The following RASL12 variants were observed in gnomAD, a reference collection of about 807,000 sequenced individuals.
The protein encoded by RASL12 is RAS like family 12.
In RASL12, 16 loss-of-function variants were observed where a neutral mutation model predicts 22.9. The ratio of observed to expected loss-of-function variants is 0.70; its 90% confidence interval spans 0.47 to 1.06. RASL12 has a LOEUF of 1.06. Among genes scored for constraint, RASL12 ranks in the 50% least tolerant of loss-of-function variants. The probability of loss-of-function intolerance (pLI) is 0.00; values close to 1 mark genes in which losing one functional copy is unlikely to be tolerated. For synonymous variants in RASL12, 159 were observed against 152.2 expected (o/e 1.04, Z -0.33); for missense variants, 306 against 353.1 (o/e 0.87, Z 1.07).
In RASL12 at chr15:65,054,963, G is replaced by T. The variant is rs778472517; in HGVS notation, c.737C>A (p.Ser246Tyr). 1.2e-6 allele frequency: 2 copies of T among 1,614,202 alleles called. No individual in the cohort carries two copies. Among genetic ancestry groups the T allele is most frequent in the Non-Finnish European group, 1.7e-6 (2 of 1,180,016 alleles). The change falls in exon 5 of 5, where the codon TCC becomes TAC. Residue 246 changes from serine (S) to tyrosine (Y), a missense_variant. Ser to Tyr is a moderately radical substitution (Grantham distance 144). Coordinates refer to ENST00000220062, the MANE Select transcript of RASL12 (RefSeq NM_016563.4). ...AQAKLVTVKS[S>Y]RAQSKRKAPT... is the part of the protein sequence containing the mutation. Reference sequence around the variant, plus strand: ...CGCCTTGCGCTTGCTCTGGGCCCGGGATGACTTCACGGTGACCAGCTTGGC... The same window carrying T: ...CGCCTTGCGCTTGCTCTGGGCCCGGTATGACTTCACGGTGACCAGCTTGGC...
At chr15:65,070,689 G>T (rs1241007341), upstream of RASL12, among the ~76,000 whole-genome samples, 1 of 152,118 alleles carries the variant, frequency 6.6e-6, no homozygotes, top group Non-Finnish European at 1.5e-5. Flanking sequence ...CCTGACGGCA[G>T]GACCTACCCT....
chr15:65,047,930 G>A, the RASL12 span, among the ~76,000 whole-genome samples: 1 of 152,148 alleles, frequency 6.6e-6, no homozygotes, highest in African/African-American at 2.4e-5. Flanking sequence ...TGTATTCCTA[G>A]CATTTTGGGA....
chr15:65,069,848 C>G (rs984656082), upstream of RASL12, among the ~76,000 whole-genome samples: 14 of 152,214 alleles, frequency 9.2e-5, no homozygotes, highest in African/African-American at 3.4e-4. Context: ...ATTATTTGAG[C>G]TGGTGGCCAC....
At chr15:65,062,063 C>CAAA (rs547999122) in intron 2 of RASL12, among the ~76,000 whole-genome samples, 1 of 77,420 alleles carries the variant, frequency 1.3e-5, no homozygotes, top group Non-Finnish European at 2.8e-5. Flanking sequence ...CCTGGGTGAC[C>CAAA]AAAAAAAAAA....
chr15:65,065,383 G>T, intron 1 of RASL12, 110 bp from the exon 2 acceptor site: 1 of 975,964 alleles, frequency 1.0e-6, no homozygotes, highest in Non-Finnish European at 1.6e-6. Flanking sequence ...CTGACACCAA[G>T]CTCAGCTCTC....
intron 1 of RASL12, chr15:65,076,448 AGAAG>A (rs1007396623): frequency 8.3e-6 from 5 of 599,676 alleles, no homozygotes; most frequent in Admixed American, 7.8e-5. Flanking sequence ...TGAACCCACC[AGAAG>A]GAAGAAACTC....
chr15:65,045,801 A>C, the RASL12 span, among the ~76,000 whole-genome samples: 86 of 152,272 alleles, frequency 5.6e-4, no homozygotes, highest in Non-Finnish European at 1.2e-3. Flanking sequence ...TAAGGCATAA[A>C]GTTTAATTTA....
At chr15:65,057,242 G>C (rs140964258) in intron 4 of RASL12, among the ~76,000 whole-genome samples, 197 of 152,274 alleles carry the variant, frequency 1.3e-3, no homozygotes, top group South Asian at 3.1e-3. Context: ...GTGCCCTTGG[G>C]GCCTAGGGCA....
upstream of RASL12, among the ~76,000 whole-genome samples, chr15:65,072,396 C>A (rs2086937981): frequency 6.6e-6 from 1 of 152,188 alleles, no homozygotes; most frequent in African/African-American, 2.4e-5. Context: ...GTTGGCTCTG[C>A]AGATTCATAC....
intron 1 of RASL12, among the ~76,000 whole-genome samples, chr15:65,076,173 A>G (rs2086967418): frequency 6.6e-6 from 1 of 152,260 alleles, no homozygotes; most frequent in Admixed American, 6.5e-5. Context: ...CCGAGCCAGC[A>G]GTGGCAACCC....
At position 65,065,197 on chromosome 15, in the gene RASL12, T is replaced by A. The variant is rs746086657; in HGVS notation, c.160+20A>T. On this transcript the variant is annotated intron_variant, in intron 2 of 4. Transcript: ENST00000220062. Reference sequence around the variant, plus strand: ...CAGATGGGGCACAGGCAGCAGAAGGTACGGGGAGTAGTTTCTTACCCAAGT... The same window carrying A: ...CAGATGGGGCACAGGCAGCAGAAGGAACGGGGAGTAGTTTCTTACCCAAGT... 1 of 1,609,904 alleles carries A rather than the reference T, an allele frequency of 6.2e-7. No individual in the cohort carries two copies. The highest frequency in any genetic ancestry group is 8.5e-7 in the Non-Finnish European group (1 of 1,178,180).
At position 65,058,595 on chromosome 15, in the gene RASL12, C is replaced by T. The variant is rs746257056; in HGVS notation, c.257G>A (p.Arg86His). 4.4e-6 allele frequency: 7 copies of T among 1,576,870 alleles called. No homozygotes were observed. Among genetic ancestry groups the T allele is most frequent in the South Asian group, 1.1e-5 (1 of 87,052 alleles). The change falls in exon 4 of 5, where the codon CGC becomes CAC. Residue 86 changes from arginine (R) to histidine (H), a missense_variant. Physicochemically the swap from Arg to His is conservative, Grantham distance 29 (BLOSUM62 0). Coordinates refer to ENST00000220062, the MANE Select transcript of RASL12 (RefSeq NM_016563.4). ...ADLDTPRNCE[R>H]YLNWAHAFLV... ...GAAGGCATGGGCCCAGTTCAGGTAG[C>T]GCTCGCAGTTCCTGGGGGTGTCCTG... is the stretch of plus-strand genomic sequence containing the variant.
intron 1 of RASL12, among the ~76,000 whole-genome samples, chr15:65,065,608 C>T (rs763525184): frequency 2.0e-5 from 3 of 152,152 alleles, no homozygotes; most frequent in African/African-American, 7.2e-5. Flanking sequence ...GGTGAAACCT[C>T]AACTGAAGGG....
At chr15:65,076,159 C>A (rs1329942194) in intron 1 of RASL12, among the ~76,000 whole-genome samples, 1 of 152,230 alleles carries the variant, frequency 6.6e-6, no homozygotes, top group African/African-American at 2.4e-5. Context: ...TAAACGCAGG[C>A]TACCCGAGCC....
At chr15:65,070,932 C>A (rs771851878), upstream of RASL12, among the ~76,000 whole-genome samples, 1 of 152,192 alleles carries the variant, frequency 6.6e-6, no homozygotes, top group Non-Finnish European at 1.5e-5. Flanking sequence ...AGTGGTGGCA[C>A]CAGCATCAGA....
chr15:65,075,941 G>C (rs1318421291), intron 1 of RASL12, among the ~76,000 whole-genome samples: 1 of 152,194 alleles, frequency 6.6e-6, no homozygotes, highest in Non-Finnish European at 1.5e-5. Context: ...AGGTTTGTGA[G>C]TGCACCAGTC....
At position 65,067,776 on chromosome 15, in the gene RASL12, C is replaced by CA; in HGVS notation, c.59_60insT (p.Glu20AspfsTer29). On this transcript the variant is annotated frameshift_variant, in exon 1 of 5. Transcript: ENST00000220062. LOFTEE classifies it high-confidence loss of function. ...GGCGCCCCAGGATGGCCAGGTTGAC[C>CA]TCGAGGGGCGCGCTCTGAGGCCCGC... 6.3e-7 allele frequency: 1 copy of CA among 1,582,474 alleles called. No homozygotes were observed. The highest frequency in any genetic ancestry group is 8.6e-7 in the Non-Finnish European group (1 of 1,167,058).
chr15:65,076,385 C>G (rs941794471), intron 1 of RASL12: 16 of 459,342 alleles, frequency 3.5e-5, no homozygotes, highest in Non-Finnish European at 5.8e-5. Flanking sequence ...GCCTTAAGAG[C>G]TGTAACACTC....
At chr15:65,050,121 CG>C, downstream of RASL12, 1 of 1,543,828 alleles carries the variant, frequency 6.5e-7, no homozygotes, top group Non-Finnish European at 8.8e-7. Flanking sequence ...GAGAGATTGA[CG>C]GCAGGGGTGG....
Sources: gnomAD v4.1 joint callset for allele counts (sites outside exome capture counted in the v4.1 genomes callset) on GRCh38, gnomAD v4.1.1 for gene constraint, MANE v1.5 for transcripts, NCBI Gene and HGNC (gene_info 2026-07-23, HGNC 2026-07-21) for gene names.